The following MLLT3 variants were observed in gnomAD, a reference collection of about 807,000 sequenced individuals.
The protein encoded by MLLT3 is MLLT3 super elongation complex subunit, also known as protein AF-9.
MLLT3 carries 4 observed loss-of-function variants against 53.2 expected under a neutral mutation model. The observed-to-expected ratio is 0.08, with a 90% CI of 0.04 to 0.17. The LOEUF (loss-of-function observed/expected upper bound fraction) is 0.17. Ranked by LOEUF, MLLT3 falls within the 10% of genes least tolerant of loss-of-function variation. The pLI is 1.00. For synonymous variants in MLLT3, 283 were observed against 230.6 expected, an observed-to-expected ratio of 1.23 and a Z score of -2.06; for missense variants, 569 against 684.0, an observed-to-expected ratio of 0.83 and a Z score of 1.87.
At chr9:20,377,871 A>G (rs1288093475) in intron 5 of MLLT3, among the ~76,000 whole-genome samples, 1 of 152,110 alleles carries the variant, frequency 6.6e-6, no homozygotes, top group Non-Finnish European at 1.5e-5. Context: ...CACCAGGTCA[A>G]AAATGCAACA....
intron 2 of MLLT3, among the ~76,000 whole-genome samples, chr9:20,470,713 C>A (rs1348444819): frequency 1.3e-5 from 2 of 151,816 alleles, no homozygotes; most frequent in African/African-American, 4.8e-5. Flanking sequence ...TTAGCTTCTA[C>A]CCTAAACCAA....
At chr9:20,355,023 C>G in intron 8 of MLLT3, 144 bp from the exon 9 acceptor site, 1 of 363,894 alleles carries the variant, frequency 2.7e-6, no homozygotes, top group East Asian at 5.1e-5. Flanking sequence ...CATTTTCCTT[C>G]TTCTCTCTAA....
chr9:20,479,929 T>G (rs1427782760), intron 2 of MLLT3, among the ~76,000 whole-genome samples: 1 of 152,170 alleles, frequency 6.6e-6, no homozygotes, highest in Non-Finnish European at 1.5e-5. Flanking sequence ...AAAGTGTAAG[T>G]AGAAATTACC....
chr9:20,412,990 A>T (rs566931798), intron 5 of MLLT3, among the ~76,000 whole-genome samples: 2 of 152,184 alleles, frequency 1.3e-5, no homozygotes, highest in Non-Finnish European at 2.9e-5. Flanking sequence ...GGGGAATTAG[A>T]TGGTCAGATG....
chr9:20,522,125 A>G (rs1393959947), intron 2 of MLLT3, among the ~76,000 whole-genome samples: 1 of 152,034 alleles, frequency 6.6e-6, no homozygotes, highest in Non-Finnish European at 1.5e-5. Context: ...GATACAAAAA[A>G]AAAATTATTT....
In MLLT3 at chr9:20,500,314, T is replaced by G. The variant is rs139744385; in HGVS notation, c.194-43528A>C. Among the ~76,000 whole-genome samples the G allele has an allele frequency of 3.3e-3, 498 of 152,324 alleles. 5 individuals are homozygous for G. Among genetic ancestry groups the G allele is most frequent in the African/African-American group, 0.011 (476 of 41,572 alleles). On this transcript the variant is annotated intron_variant, in intron 2 of 10. Transcript: ENST00000380338. ...CCTCTGAGCAGCTGGACTGCTTACA[T>G]GAAGGCTGCAGGTTTCACAACTGAA...
intron 2 of MLLT3, among the ~76,000 whole-genome samples, chr9:20,464,170 G>GT (rs1238658582): frequency 6.8e-6 from 1 of 147,330 alleles, no homozygotes; most frequent in Non-Finnish European, 1.5e-5. Flanking sequence ...AACTGGAACT[G>GT]TTTTTTATTT....
At chr9:20,500,116 G>C (rs977713261) in intron 2 of MLLT3, among the ~76,000 whole-genome samples, 3 of 152,218 alleles carry the variant, frequency 2.0e-5, no homozygotes, top group Non-Finnish European at 4.4e-5. Flanking sequence ...CTTTCTCTGA[G>C]GGTCAGGAAC....
intron 2 of MLLT3, among the ~76,000 whole-genome samples, chr9:20,563,341 C>T (rs149291357): frequency 6.6e-6 from 1 of 151,882 alleles, no homozygotes; most frequent in Non-Finnish European, 1.5e-5. Flanking sequence ...ACTAAGAATA[C>T]CTTTTATTCA....
chr9:20,567,296 A>G (rs1173993723), intron 2 of MLLT3, among the ~76,000 whole-genome samples: 2 of 133,304 alleles, frequency 1.5e-5, no homozygotes, highest in Non-Finnish European at 3.1e-5. Flanking sequence ...AAGTAGTACT[A>G]TATTCAGTAA....
chr9:20,418,486 G>A (rs886613911), intron 4 of MLLT3: 1 of 152,208 alleles, frequency 6.6e-6, no homozygotes, highest in Admixed American at 6.5e-5. Context: ...CCCCATTTAC[G>A]TCTCTTGAAC....
intron 2 of MLLT3, among the ~76,000 whole-genome samples, chr9:20,525,662 G>A (rs574358234): frequency 6.6e-6 from 1 of 152,244 alleles, no homozygotes; most frequent in African/African-American, 2.4e-5. Flanking sequence ...ACTCTCAAAT[G>A]TAGGTCTAGT....
At chr9:20,418,279 T>A (rs1349498833) in intron 4 of MLLT3, 2 of 152,136 alleles carry the variant, frequency 1.3e-5, no homozygotes, top group African/African-American at 4.8e-5. Context: ...AAACACACAA[T>A]GAATAACACA....
chr9:20,510,944 T>A (rs1825520734), intron 2 of MLLT3, among the ~76,000 whole-genome samples: 1 of 152,184 alleles, frequency 6.6e-6, no homozygotes, highest in Non-Finnish European at 1.5e-5. Context: ...CCAGAAAGGC[T>A]AAATAAATCA....
At chr9:20,552,202 T>C (rs754473331) in intron 2 of MLLT3, among the ~76,000 whole-genome samples, 11 of 152,188 alleles carry the variant, frequency 7.2e-5, no homozygotes, top group Admixed American at 2.6e-4. Context: ...GGAGTCTTGT[T>C]TGCAAAGAAC....
chr9:20,446,214 TGC>T (rs1166521806), intron 4 of MLLT3, among the ~76,000 whole-genome samples: 1 of 152,216 alleles, frequency 6.6e-6, no homozygotes, highest in Non-Finnish European at 1.5e-5. Flanking sequence ...AAACAGCATA[TGC>T]CTGGAATAGT....
At chr9:20,607,998 A>C (rs931159229) in intron 2 of MLLT3, among the ~76,000 whole-genome samples, 5 of 152,026 alleles carry the variant, frequency 3.3e-5, no homozygotes, top group African/African-American at 1.2e-4. Flanking sequence ...AAATCATCTT[A>C]GTATCAAAAT....
rs928781878 is a variant in MLLT3 at position 20,621,092 on chromosome 9, C to T, written c.13-258G>A. 4 of 608,154 alleles carry T rather than the reference C, an allele frequency of 6.6e-6. No individual in the cohort carries two copies. Among genetic ancestry groups the T allele is most frequent in the Non-Finnish European group, 1.2e-5 (4 of 336,744 alleles). 37.7% of individuals were successfully genotyped at this position (608,154 alleles called of 1,614,324 possible). ...GACAGGATTGTAACGGAATGTTATC[C>T]CCAGTCGGGAAGGGGGTCGGGGAAA... On this transcript the variant is annotated intron_variant, in intron 1 of 10. Coordinates refer to ENST00000380338, the MANE Select transcript of MLLT3 (RefSeq NM_004529.4). This position sits in a 1 kb window ranked among gnomAD's most constrained non-coding sequence, Gnocchi z 7.0.
chr9:20,555,712 A>T (rs984716525), intron 2 of MLLT3, among the ~76,000 whole-genome samples: 2 of 152,138 alleles, frequency 1.3e-5, no homozygotes, highest in African/African-American at 4.8e-5. Context: ...TCATCTCACT[A>T]GGCACACTGC....
Sources: gnomAD v4.1 joint callset for allele counts (sites outside exome capture counted in the v4.1 genomes callset) on GRCh38, gnomAD v4.1.1 for gene constraint, Gnocchi (gnomAD v3.1) non-coding constraint, MANE v1.5 for transcripts, NCBI Gene and HGNC (gene_info 2026-07-23, HGNC 2026-07-21) for gene names.